C2CD3: variants seen among roughly 807,000 people sequenced by gnomAD.
C2CD3 encodes the protein C2 domain containing 3 centriole elongation regulator, also known as C2 domain-containing protein 3.
In C2CD3, 148 loss-of-function variants were observed where a neutral mutation model predicts 234.0. The ratio of observed to expected loss-of-function variants is 0.63; its 90% confidence interval spans 0.55 to 0.72. C2CD3 has a LOEUF of 0.72. C2CD3 is among the 30% of genes least tolerant of loss of function. The pLI is 0.00. For synonymous variants in C2CD3, 1,000 were observed against 1,035.4 expected (o/e 0.97, Z 0.66); for missense variants, 2,577 against 2,811.5 (o/e 0.92, Z 1.89).
intron 11 of C2CD3, among the ~76,000 whole-genome samples, chr11:74,112,671 T>C (rs1222284244): frequency 2.0e-5 from 3 of 152,178 alleles, no homozygotes; most frequent in Admixed American, 2.0e-4. Context: ...AGAAGATCTA[T>C]AAATGGCCAA....
chr11:74,111,299 C>G (rs1956733474), intron 11 of C2CD3, among the ~76,000 whole-genome samples: 1 of 152,156 alleles, frequency 6.6e-6, no homozygotes, highest in Admixed American at 6.6e-5. Context: ...CCCCAAAACT[C>G]AAAATCCAAA....
intron 30 of C2CD3, among the ~76,000 whole-genome samples, chr11:74,036,744 C>G (rs936470456): frequency 3.9e-5 from 6 of 152,186 alleles, no homozygotes; most frequent in African/African-American, 1.4e-4. Context: ...ATCTCTATTT[C>G]ACAGTAAGTG....
chr11:74,124,687 C>T (rs1957346126), intron 7 of C2CD3, among the ~76,000 whole-genome samples: 1 of 152,224 alleles, frequency 6.6e-6, no homozygotes, highest in African/African-American at 2.4e-5. Context: ...CTCTCTGCAG[C>T]TTCTGCAGCC....
chr11:74,108,522 T>C (rs1269723128), intron 12 of C2CD3, among the ~76,000 whole-genome samples: 1 of 152,220 alleles, frequency 6.6e-6, no homozygotes, highest in South Asian at 2.1e-4. Context: ...CTCACAACTA[T>C]ATTATTTTGG....
chr11:74,087,944 G>A (rs1340687553), intron 20 of C2CD3, among the ~76,000 whole-genome samples: 1 of 152,132 alleles, frequency 6.6e-6, no homozygotes. Flanking sequence ...CTTTACATAG[G>A]CACCAACAAT....
chr11:74,044,439 G>A (rs1953250854), intron 28 of C2CD3, among the ~76,000 whole-genome samples: 1 of 138,622 alleles, frequency 7.2e-6, no homozygotes, highest in Non-Finnish European at 1.5e-5. Flanking sequence ...TGGCAACACA[G>A]CAAGACTGTC....
rs147867340 is a variant in C2CD3 at position 74,074,551 on chromosome 11, G to A, written c.4653C>T (p.Ala1551=). ...GRNASNLSGA[A]LRVHVVLSSL... is the part of the protein sequence containing the mutation. ...AGGAAAGAACCACATGAACTCGCAA[G>A]GCAGCTCCTGAGAGGTTGGAAGCAT... The change falls in exon 24 of 33, where the codon GCC becomes GCT. Residue 1551 remains alanine (A), a synonymous_variant. Transcript: ENST00000334126. The A allele has an allele frequency of 6.8e-6, 11 of 1,614,042 alleles. No homozygotes were observed. In the African/African-American group the frequency reaches 1.3e-4, roughly 20 times the overall value.
intron 32 of C2CD3, among the ~76,000 whole-genome samples, chr11:74,015,715 G>C (rs1007170046): frequency 6.6e-6 from 1 of 152,152 alleles, no homozygotes; most frequent in Admixed American, 6.5e-5. Flanking sequence ...GAGAGACTTA[G>C]ATGAGTCTTG....
At chr11:74,066,435 A>T (rs1470611074) in intron 24 of C2CD3, among the ~76,000 whole-genome samples, 1 of 143,074 alleles carries the variant, frequency 7.0e-6, no homozygotes, top group Non-Finnish European at 1.6e-5. Context: ...AAAAAAAGTC[A>T]AAAAGAAAGA....
In C2CD3 at chr11:74,034,398, A is replaced by G. The variant is rs1952639083; in HGVS notation, c.5882-120T>C. Reference sequence around the variant, plus strand: ...ATCAGACTCTGAACAAACCATAAAGAAAATTAGTCCACCCAAGATTCAGTG... The same window carrying G: ...ATCAGACTCTGAACAAACCATAAAGGAAATTAGTCCACCCAAGATTCAGTG... On this transcript the variant is annotated intron_variant, in intron 30 of 32. Transcript: ENST00000334126. The G allele has an allele frequency of 1.6e-5, 24 of 1,495,992 alleles. No individual in the cohort carries two copies. The South Asian group carries it at 2.8e-4, about 17-fold the overall frequency. The allele number at this position is 1,495,992 out of a possible 1,614,324, so 92.7% of individuals were successfully genotyped here.
intron 13 of C2CD3, among the ~76,000 whole-genome samples, chr11:74,105,263 G>A (rs894907310): frequency 6.6e-5 from 10 of 151,988 alleles, no homozygotes; most frequent in Non-Finnish European, 1.3e-4. Context: ...TTTAGGCATG[G>A]CTGTGATGAT....
intron 27 of C2CD3, among the ~76,000 whole-genome samples, chr11:74,048,762 C>T (rs1038339777): frequency 6.6e-6 from 1 of 152,222 alleles, no homozygotes; most frequent in African/African-American, 2.4e-5. Flanking sequence ...CTTATGCATG[C>T]TTTCATCCAG....
At chr11:74,016,971 C>T (rs1951902985) in intron 32 of C2CD3, among the ~76,000 whole-genome samples, 1 of 151,996 alleles carries the variant, frequency 6.6e-6, no homozygotes, top group African/African-American at 2.4e-5. Context: ...GTCCCTGGAG[C>T]GGGAACTTAA....
intron 24 of C2CD3, among the ~76,000 whole-genome samples, chr11:74,061,597 C>A (rs934884879): frequency 3.3e-5 from 5 of 152,294 alleles, no homozygotes; most frequent in Non-Finnish European, 7.4e-5. Context: ...ACCACCAGGC[C>A]TGCCTTACAA....
intron 3 of C2CD3, among the ~76,000 whole-genome samples, chr11:74,142,804 T>C (rs1854895710): frequency 1.3e-5 from 2 of 152,188 alleles, no homozygotes; most frequent in African/African-American, 4.8e-5. Context: ...ACCCTCCTGT[T>C]GCATTTAGCT....
At chr11:74,140,551 CT>C (rs916801361) in intron 3 of C2CD3, among the ~76,000 whole-genome samples, 4 of 151,470 alleles carry the variant, frequency 2.6e-5, no homozygotes, top group Admixed American at 1.3e-4. Context: ...TTCGAAGATT[CT>C]TTTTTTTTAA....
At chr11:74,139,095 T>C (rs113948031) in intron 4 of C2CD3, 128 bp from the exon 5 acceptor site, 29 of 668,028 alleles carry the variant, frequency 4.3e-5, no homozygotes, top group African/African-American at 3.6e-4. Flanking sequence ...GCGTGACTTA[T>C]TTGCAATACA....
intron 11 of C2CD3, chr11:74,109,432 A>C (rs1956660374): frequency 3.2e-6 from 1 of 309,906 alleles, no homozygotes; most frequent in Middle Eastern, 8.4e-4. Flanking sequence ...ATGTGTAAGG[A>C]GACATATCTA....
intron 30 of C2CD3, chr11:74,036,320 G>A (rs1952740552): frequency 2.6e-6 from 1 of 384,558 alleles, no homozygotes; most frequent in African/African-American, 2.1e-5. Flanking sequence ...TTGATGAAGG[G>A]AGATAATGCC....
Sources: gnomAD v4.1 joint callset for allele counts (sites outside exome capture counted in the v4.1 genomes callset) on GRCh38, gnomAD v4.1.1 for gene constraint, MANE v1.5 for transcripts, NCBI Gene and HGNC (gene_info 2026-07-23, HGNC 2026-07-21) for gene names.